Variants in GRM8 observed in about 807,000 individuals in gnomAD.
GRM8 encodes the protein glutamate metabotropic receptor 8.
GRM8 carries 47 observed loss-of-function variants against 87.2 expected under a neutral mutation model. That is an observed-to-expected ratio of 0.54 (90% CI 0.43 to 0.69). The LOEUF is 0.69. Ranked by LOEUF, GRM8 falls within the 30% of genes least tolerant of loss-of-function variation. The pLI is 0.00. For missense variants in GRM8, 1,019 were observed against 1,139.2 expected (o/e 0.89, Z 1.52); for synonymous variants, 396 against 404.5 (o/e 0.98, Z 0.25).
chr7:126,892,514 A>G (rs965694912), intron 6 of GRM8, among the ~76,000 whole-genome samples: 3 of 151,998 alleles, frequency 2.0e-5, no homozygotes, highest in African/African-American at 7.2e-5. Flanking sequence ...TATGTGCCAC[A>G]TTTTCTTAAT....
chr7:126,756,851 T>C (rs1054223459), intron 7 of GRM8, among the ~76,000 whole-genome samples: 1 of 152,026 alleles, frequency 6.6e-6, no homozygotes, highest in African/African-American at 2.4e-5. Context: ...TCCACTCAAT[T>C]TTGCTGTGAG....
intron 2 of GRM8, among the ~76,000 whole-genome samples, chr7:127,218,523 A>G (rs559251844): frequency 4.6e-5 from 7 of 152,306 alleles, no homozygotes; most frequent in South Asian, 2.1e-4. Context: ...GATAATAAGC[A>G]TTGCTACTTC....
At chr7:127,091,847 G>A (rs1285979729) in intron 3 of GRM8, among the ~76,000 whole-genome samples, 6 of 34,296 alleles carry the variant, frequency 1.7e-4, no homozygotes, top group Admixed American at 8.4e-4. Context: ...CCCCCCGGCC[G>A]TCCCGCCAAT....
At chr7:127,096,589 G>A (rs1824678995) in intron 3 of GRM8, among the ~76,000 whole-genome samples, 1 of 151,260 alleles carries the variant, frequency 6.6e-6, no homozygotes, top group South Asian at 2.1e-4. Flanking sequence ...ATTGACCATT[G>A]TTGAACACTA....
At chr7:126,944,338 AG>A (rs371878598) in intron 3 of GRM8, among the ~76,000 whole-genome samples, 9 of 152,208 alleles carry the variant, frequency 5.9e-5, no homozygotes, top group Admixed American at 2.6e-4. Flanking sequence ...GACATCCCAA[AG>A]GTGTATTTTT....
At chr7:127,051,954 C>T (rs1273944989) in intron 3 of GRM8, among the ~76,000 whole-genome samples, 1 of 151,980 alleles carries the variant, frequency 6.6e-6, no homozygotes, top group Non-Finnish European at 1.5e-5. Context: ...TGGGGCTTTA[C>T]CCATTTTATT....
intron 6 of GRM8, chr7:126,870,439 A>T (rs527677851): frequency 4.7e-4 from 72 of 152,278 alleles, no homozygotes; most frequent in African/African-American, 1.7e-3. Flanking sequence ...TCAGCTTTCC[A>T]TGTGCCTTCC....
At chr7:126,632,012 A>C (rs1041258135) in intron 7 of GRM8, among the ~76,000 whole-genome samples, 1 of 152,230 alleles carries the variant, frequency 6.6e-6, no homozygotes, top group Non-Finnish European at 1.5e-5. Flanking sequence ...AATTGCAACA[A>C]AAGGAAAAAT....
intron 2 of GRM8, among the ~76,000 whole-genome samples, chr7:127,239,595 A>AT (rs1798170810): frequency 6.6e-6 from 1 of 152,230 alleles, no homozygotes; most frequent in South Asian, 2.1e-4. Context: ...AAAAGGAGCT[A>AT]TATGCCAATC....
At chr7:126,891,850 C>G (rs4728056) in intron 6 of GRM8, among the ~76,000 whole-genome samples, 20 of 151,986 alleles carry the variant, frequency 1.3e-4, no homozygotes, top group South Asian at 1.0e-3. Flanking sequence ...TCCTTGACAT[C>G]TAATAGCTAG....
chr7:126,796,295 T>C (rs1821941470), intron 6 of GRM8, among the ~76,000 whole-genome samples: 1 of 151,840 alleles, frequency 6.6e-6, no homozygotes, highest in Admixed American at 6.6e-5. Context: ...CATCAACATA[T>C]CATATCATAT....
At chr7:126,640,662 C>T (rs1191320108) in intron 7 of GRM8, among the ~76,000 whole-genome samples, 1 of 151,888 alleles carries the variant, frequency 6.6e-6, no homozygotes, top group African/African-American at 2.4e-5. Flanking sequence ...GGTTGGATTT[C>T]TTGACAACGT....
intron 2 of GRM8, among the ~76,000 whole-genome samples, chr7:127,237,611 C>T (rs562428396): frequency 6.6e-6 from 1 of 152,340 alleles, no homozygotes; most frequent in Admixed American, 6.5e-5. Context: ...AATCAGCACA[C>T]TTCCACATAG....
chr7:126,666,252 C>T (rs1028174455), intron 7 of GRM8, among the ~76,000 whole-genome samples: 3 of 152,068 alleles, frequency 2.0e-5, no homozygotes, highest in Non-Finnish European at 4.4e-5. Flanking sequence ...ATTTTTATCA[C>T]CAAATTGTAT....
chr7:126,632,364 T>C (rs910677776), intron 7 of GRM8, among the ~76,000 whole-genome samples: 9 of 152,120 alleles, frequency 5.9e-5, no homozygotes, highest in Non-Finnish European at 1.0e-4. Context: ...ATGGCGACTA[T>C]TAAAAAGTCA....
chr7:127,179,929 C>T (rs1036307431), intron 2 of GRM8, among the ~76,000 whole-genome samples: 5 of 151,982 alleles, frequency 3.3e-5, no homozygotes, highest in African/African-American at 1.2e-4. Flanking sequence ...TCTAAGGTCA[C>T]ACCTCAAGGA....
intron 6 of GRM8, among the ~76,000 whole-genome samples, chr7:126,900,558 T>C (rs947012376): frequency 2.0e-5 from 3 of 152,176 alleles, no homozygotes; most frequent in African/African-American, 7.2e-5. Flanking sequence ...TCGCCCAGGC[T>C]GGGTGCAGTG....
At chr7:126,971,300 G>T (rs1020577620) in intron 3 of GRM8, among the ~76,000 whole-genome samples, 1 of 151,998 alleles carries the variant, frequency 6.6e-6, no homozygotes, top group East Asian at 1.9e-4. Context: ...CAGGGACTGG[G>T]TGGTAACAAT....
At chr7:126,921,035 C>A (rs370586312) in intron 3 of GRM8, among the ~76,000 whole-genome samples, 1 of 152,270 alleles carries the variant, frequency 6.6e-6, no homozygotes, top group East Asian at 1.9e-4. Flanking sequence ...CAGCACCTCA[C>A]TCTTAATATC....
Sources: gnomAD v4.1 joint callset for allele counts (sites outside exome capture counted in the v4.1 genomes callset) on GRCh38, gnomAD v4.1.1 for gene constraint, MANE v1.5 for transcripts, NCBI Gene and HGNC (gene_info 2026-07-23, HGNC 2026-07-21) for gene names.